Variants in RBPJ observed in about 807,000 individuals in gnomAD.
RBPJ encodes recombining binding protein suppressor of hairless.
A neutral mutation model predicts 67.8 loss-of-function variants in RBPJ; 9 were observed. That is an observed-to-expected ratio of 0.13 (90% CI 0.08 to 0.23). The LOEUF is 0.23. RBPJ is among the 10% of genes least tolerant of loss of function. The pLI is 1.00. For synonymous variants in RBPJ, 198 were observed against 203.3 expected (o/e 0.97, Z 0.22); for missense variants, 305 against 595.6 (o/e 0.51, Z 5.08).
intron 1 of RBPJ, among the ~76,000 whole-genome samples, chr4:26,214,542 A>AGGGAAGGAGGAAGGGAGGGG (rs1718564827): frequency 1.3e-4 from 1 of 7,684 alleles, no homozygotes; most frequent in Non-Finnish European, 2.2e-4. Flanking sequence ...GAAGGGAGGG[A>AGGGAAGGAGGAAGGGAGGGG]GGGAGGGAGG....
chr4:26,136,287 C>T, the RBPJ span, among the ~76,000 whole-genome samples: 1 of 152,194 alleles, frequency 6.6e-6, no homozygotes. Flanking sequence ...CCTTCTCTCC[C>T]AGGTCACAAG....
intron 1 of RBPJ, among the ~76,000 whole-genome samples, chr4:26,206,765 A>G (rs1233853450): frequency 6.6e-6 from 1 of 152,088 alleles, no homozygotes; most frequent in African/African-American, 2.4e-5. Context: ...AAAAAAAAAA[A>G]AAAAATCCTG....
chr4:26,355,203 T>C (rs1727244035), intron 1 of RBPJ, among the ~76,000 whole-genome samples: 1 of 152,138 alleles, frequency 6.6e-6, no homozygotes, highest in African/African-American at 2.4e-5. Context: ...GCTGGGACTA[T>C]AGGTGTGTAC....
the RBPJ span, among the ~76,000 whole-genome samples, chr4:26,119,109 A>AAGACTAATCTT: frequency 6.6e-6 from 1 of 152,186 alleles, no homozygotes; most frequent in Non-Finnish European, 1.5e-5. Flanking sequence ...CCTACCTTAT[A>AAGACTAATCTT]ATATCACTGT....
chr4:26,286,213 T>TA (rs1460164919), intron 1 of RBPJ, among the ~76,000 whole-genome samples: 3 of 152,092 alleles, frequency 2.0e-5, no homozygotes, highest in Non-Finnish European at 4.4e-5. Context: ...GCATGATGAC[T>TA]AGCGCCTGTA....
the RBPJ span, among the ~76,000 whole-genome samples, chr4:26,144,240 G>T: frequency 6.8e-6 from 1 of 147,582 alleles, no homozygotes; most frequent in Non-Finnish European, 1.5e-5. Flanking sequence ...TAGAGGGGAA[G>T]AGAGCATAAG....
chr4:26,402,999 G>A (rs561383532), intron 2 of RBPJ, among the ~76,000 whole-genome samples: 6 of 152,254 alleles, frequency 3.9e-5, no homozygotes, highest in East Asian at 1.9e-4. Flanking sequence ...TTCTGTTACC[G>A]TCTTCTTAGT....
chr4:26,162,122 T>C (rs534202364), upstream of RBPJ, among the ~76,000 whole-genome samples: 18 of 152,322 alleles, frequency 1.2e-4, no homozygotes, highest in Admixed American at 2.6e-4. Context: ...ATAGTGTCTG[T>C]GATGCATGCC....
chr4:26,385,372 T>C (rs1412885581), intron 1 of RBPJ, among the ~76,000 whole-genome samples: 1 of 152,164 alleles, frequency 6.6e-6, no homozygotes, highest in African/African-American at 2.4e-5. Context: ...CAACAACTCT[T>C]TGAGGTAAGC....
upstream of RBPJ, chr4:26,320,639 GCCCCGCCTCCTGACCCCTCCATTCCTCGT>G: frequency 7.9e-7 from 1 of 1,267,872 alleles, no homozygotes; most frequent in Non-Finnish European, 1.1e-6. Context: ...CTTCTCCTCG[GCCCCGCCTCCTGACCCCTCCATTCCTCGT>G]CCCCGTAGTA....
chr4:26,229,780 T>TA (rs1407952692), intron 1 of RBPJ, among the ~76,000 whole-genome samples: 1 of 152,092 alleles, frequency 6.6e-6, no homozygotes, highest in Non-Finnish European at 1.5e-5. Flanking sequence ...ATCAACAAGA[T>TA]AAAATAGGAT....
intron 1 of RBPJ, among the ~76,000 whole-genome samples, chr4:26,379,039 TAAATA>T (rs1041548326): frequency 5.3e-5 from 8 of 152,092 alleles, no homozygotes; most frequent in East Asian, 1.9e-4. Context: ...ATAAAATAAA[TAAATA>T]AAATAAAATA....
intron 1 of RBPJ, among the ~76,000 whole-genome samples, chr4:26,294,343 C>T (rs572449160): frequency 1.3e-5 from 2 of 152,232 alleles, no homozygotes; most frequent in South Asian, 2.1e-4. Context: ...GTGATCCACC[C>T]GCCTTGGCCT....
chr4:26,331,389 A>G (rs1478513752), intron 1 of RBPJ, among the ~76,000 whole-genome samples: 1 of 150,470 alleles, frequency 6.6e-6, no homozygotes, highest in African/African-American at 2.5e-5. Context: ...ACCCAACGTT[A>G]TGTTTTTTTT....
At chr4:26,337,406 C>T (rs1724965538) in intron 1 of RBPJ, among the ~76,000 whole-genome samples, 1 of 152,068 alleles carries the variant, frequency 6.6e-6, no homozygotes, top group African/African-American at 2.4e-5. Flanking sequence ...TGAATTATAC[C>T]AATTCAGCAG....
At chr4:26,147,049 G>A in the RBPJ span, among the ~76,000 whole-genome samples, 131 of 152,334 alleles carry the variant, frequency 8.6e-4, 1 homozygote, top group African/African-American at 3.1e-3. Context: ...GGAAGGCATG[G>A]TCCTGGAGGG....
intron 1 of RBPJ, among the ~76,000 whole-genome samples, chr4:26,203,405 C>G (rs1051045734): frequency 6.6e-6 from 1 of 152,176 alleles, no homozygotes; most frequent in African/African-American, 2.4e-5. Flanking sequence ...CCTGACCACC[C>G]CACATACAGT....
intron 1 of RBPJ, among the ~76,000 whole-genome samples, chr4:26,187,136 T>G (rs1394788016): frequency 6.6e-6 from 1 of 152,138 alleles, no homozygotes. Flanking sequence ...GTGAGAGGAT[T>G]GCTTGAGCCC....
chr4:26,169,991 AC>A (rs1716505104), intron 1 of RBPJ, among the ~76,000 whole-genome samples: 1 of 151,956 alleles, frequency 6.6e-6, no homozygotes, highest in African/African-American at 2.4e-5. Context: ...CCTTTCCTTG[AC>A]CAGGAAAGGG....
Sources: allele counts gnomAD v4.1 joint callset (sites outside exome capture counted in the v4.1 genomes callset), GRCh38; gene constraint gnomAD v4.1.1; transcripts MANE v1.5; gene names NCBI Gene and HGNC (gene_info 2026-07-23, HGNC 2026-07-21).